The following SLC4A4 variants were observed in gnomAD, a reference collection of about 807,000 sequenced individuals.
The protein encoded by SLC4A4 is solute carrier family 4 member 4, also known as electrogenic sodium bicarbonate cotransporter 1.
A neutral mutation model predicts 111.5 loss-of-function variants in SLC4A4; 27 were observed. The ratio of observed to expected loss-of-function variants is 0.24; its 90% confidence interval spans 0.18 to 0.33. SLC4A4 has a LOEUF of 0.33. Ranked by LOEUF, SLC4A4 falls within the 10% of genes least tolerant of loss-of-function variation. The pLI is 1.00. For synonymous variants in SLC4A4, 443 were observed against 463.4 expected (o/e 0.96, Z 0.57); for missense variants, 909 against 1,315.5 (o/e 0.69, Z 4.78).
intron 18 of SLC4A4, among the ~76,000 whole-genome samples, chr4:71,542,209 T>C (rs1042739668): frequency 6.6e-6 from 1 of 152,142 alleles, no homozygotes; most frequent in Non-Finnish European, 1.5e-5. Context: ...ATGTTGAAAT[T>C]TGGCAAAATA....
intron 3 of SLC4A4, among the ~76,000 whole-genome samples, chr4:71,289,640 G>A (rs1724180865): frequency 6.6e-6 from 1 of 152,182 alleles, no homozygotes; most frequent in South Asian, 2.1e-4. Flanking sequence ...CCAAAGATAT[G>A]GGGCTGGCTG....
chr4:71,094,940 T>C (rs901175363), intron 2 of SLC4A4, among the ~76,000 whole-genome samples: 1 of 152,182 alleles, frequency 6.6e-6, no homozygotes, highest in Non-Finnish European at 1.5e-5. Flanking sequence ...TAGGCATTAA[T>C]TAATTAGGTG....
intron 1 of SLC4A4, among the ~76,000 whole-genome samples, chr4:71,223,741 T>A (rs551792041): frequency 4.7e-4 from 72 of 151,962 alleles, no homozygotes; most frequent in African/African-American, 1.7e-3. Flanking sequence ...GTCCCTTAGA[T>A]CCAATGCTTT....
intron 2 of SLC4A4, among the ~76,000 whole-genome samples, chr4:71,096,839 G>C (rs1486427434): frequency 6.6e-6 from 1 of 152,144 alleles, no homozygotes; most frequent in Non-Finnish European, 1.5e-5. Flanking sequence ...TGGATCTTTT[G>C]TCTACCTTGT....
chr4:71,500,998 C>A (rs575005926), intron 16 of SLC4A4, among the ~76,000 whole-genome samples: 2 of 152,208 alleles, frequency 1.3e-5, no homozygotes, highest in Admixed American at 6.5e-5. Context: ...TAAAACATAT[C>A]ATTGGAATTT....
At chr4:71,285,992 A>T (rs1723884867) in intron 3 of SLC4A4, among the ~76,000 whole-genome samples, 1 of 152,172 alleles carries the variant, frequency 6.6e-6, no homozygotes, top group Non-Finnish European at 1.5e-5. Context: ...TAATCCCAGC[A>T]CTTTGGGAGG....
chr4:71,499,179 C>T (rs1281136400), intron 16 of SLC4A4, among the ~76,000 whole-genome samples: 4 of 151,980 alleles, frequency 2.6e-5, no homozygotes, highest in Admixed American at 2.6e-4. Flanking sequence ...ATCATCACCA[C>T]CTGCCAAAGT....
intron 2 of SLC4A4, among the ~76,000 whole-genome samples, chr4:71,144,114 A>T (rs548322021): frequency 9.9e-5 from 15 of 152,260 alleles, no homozygotes; most frequent in African/African-American, 2.6e-4. Flanking sequence ...ATTTTGAATT[A>T]ATTTTTGTAT....
chr4:71,546,199 C>G, intron 18 of SLC4A4, 151 bp from the exon 19 acceptor site: 1 of 687,172 alleles, frequency 1.5e-6, no homozygotes, highest in Non-Finnish European at 2.6e-6. Context: ...GGGAATAATA[C>G]AAAGAAGATA....
intron 6 of SLC4A4, among the ~76,000 whole-genome samples, chr4:71,370,689 G>A (rs189476621): frequency 6.6e-6 from 1 of 152,284 alleles, no homozygotes; most frequent in African/African-American, 2.4e-5. Context: ...AGTTAATCCA[G>A]CATTACTGCT....
At chr4:71,194,682 C>T (rs1745905084) in intron 1 of SLC4A4, among the ~76,000 whole-genome samples, 3 of 152,138 alleles carry the variant, frequency 2.0e-5, no homozygotes, top group Non-Finnish European at 4.4e-5. Context: ...GAGTGATCCC[C>T]AAAGCTTACA....
chr4:71,127,959 A>C (rs969766531), intron 2 of SLC4A4, among the ~76,000 whole-genome samples: 2 of 152,196 alleles, frequency 1.3e-5, no homozygotes, highest in African/African-American at 4.8e-5. Flanking sequence ...CCAGTGGTGC[A>C]GGACTGTAGT....
intron 2 of SLC4A4, among the ~76,000 whole-genome samples, chr4:71,121,322 C>A (rs576374929): frequency 3.8e-4 from 58 of 152,258 alleles, no homozygotes; most frequent in African/African-American, 1.3e-3. Context: ...AGGGCTGAGG[C>A]GTGCAGGTGC....
At chr4:71,427,072 G>A (rs1343485890) in intron 7 of SLC4A4, among the ~76,000 whole-genome samples, 1 of 152,002 alleles carries the variant, frequency 6.6e-6, no homozygotes, top group East Asian at 1.9e-4. Flanking sequence ...TTTACTTGAT[G>A]ATTTTTCACA....
intron 3 of SLC4A4, among the ~76,000 whole-genome samples, chr4:71,284,606 CT>C (rs1723766138): frequency 6.6e-6 from 1 of 152,122 alleles, no homozygotes; most frequent in African/African-American, 2.4e-5. Context: ...ATTTATCTTC[CT>C]TCAAGTCATT....
chr4:71,488,885 A>G (rs538395136), intron 15 of SLC4A4, among the ~76,000 whole-genome samples: 1 of 104,900 alleles, frequency 9.5e-6, no homozygotes, highest in African/African-American at 4.2e-5. Context: ...GTTAGAAGAA[A>G]AAATGTGTGT....
intron 2 of SLC4A4, among the ~76,000 whole-genome samples, chr4:71,130,614 A>T (rs1743676456): frequency 6.6e-6 from 1 of 152,144 alleles, no homozygotes; most frequent in Admixed American, 6.5e-5. Context: ...TATTTTGTTA[A>T]ATGAGTGTCA....
At chr4:71,376,110 T>C (rs1732335161) in intron 6 of SLC4A4, among the ~76,000 whole-genome samples, 1 of 149,190 alleles carries the variant, frequency 6.7e-6, no homozygotes, top group South Asian at 2.1e-4. Context: ...TATATATATA[T>C]ACGTTTGTGT....
At chr4:71,138,897 G>C (rs962041215) in intron 2 of SLC4A4, among the ~76,000 whole-genome samples, 1 of 152,108 alleles carries the variant, frequency 6.6e-6, no homozygotes, top group East Asian at 1.9e-4. Flanking sequence ...TTAGCCAGGC[G>C]TGGTGGTGGG....
Sources: gnomAD v4.1 joint callset for allele counts (sites outside exome capture counted in the v4.1 genomes callset) on GRCh38, gnomAD v4.1.1 for gene constraint, MANE v1.5 for transcripts, NCBI Gene and HGNC (gene_info 2026-07-23, HGNC 2026-07-21) for gene names.